PCDHGA1: variants seen among roughly 807,000 people sequenced by gnomAD.
PCDHGA1 encodes the protein protocadherin gamma subfamily A, 1.
PCDHGA1 carries 32 observed loss-of-function variants against 58.0 expected under a neutral mutation model. The observed-to-expected ratio is 0.55, with a 90% confidence interval of 0.42 to 0.74. The LOEUF (loss-of-function observed/expected upper bound fraction) is 0.74. PCDHGA1 is among the 30% of genes least tolerant of loss of function. The probability of loss-of-function intolerance (pLI) is 0.00; values close to 1 mark genes in which losing one functional copy is unlikely to be tolerated. For synonymous variants in PCDHGA1, 498 were observed against 501.1 expected (o/e 0.99, Z 0.08); for missense variants, 1,205 against 1,182.3 (o/e 1.02, Z -0.28).
intron 1 of PCDHGA1, chr5:141,415,216 A>C: frequency 6.2e-7 from 1 of 1,614,086 alleles, no homozygotes; most frequent in African/African-American, 1.3e-5. Flanking sequence ...GGACCTCGGC[A>C]GCTTCGAGTC....
chr5:141,363,750 C>T (rs1326299943), intron 1 of PCDHGA1, among the ~76,000 whole-genome samples: 3 of 152,082 alleles, frequency 2.0e-5, no homozygotes, highest in Non-Finnish European at 4.4e-5. Flanking sequence ...CCTTGGTATT[C>T]TTATATGCAA....
At chr5:141,426,916 A>T (rs1227752756) in intron 1 of PCDHGA1, 2 of 456,618 alleles carry the variant, frequency 4.4e-6, no homozygotes, top group Non-Finnish European at 4.4e-6. Context: ...CTGGTCCTGG[A>T]AGCAATGGAC....
intron 1 of PCDHGA1, chr5:141,417,545 T>C: frequency 3.2e-6 from 1 of 312,052 alleles, no homozygotes; most frequent in East Asian, 5.5e-5. Context: ...AAAAAATTCC[T>C]TGAAAGAGGT....
chr5:141,391,910 CAT>C (rs2092442264), intron 1 of PCDHGA1: 2 of 152,134 alleles, frequency 1.3e-5, no homozygotes, highest in African/African-American at 4.8e-5. Context: ...TGCTTTTTAT[CAT>C]ATATTCATCT....
At position 141,332,689 on chromosome 5, in the gene PCDHGA1, T is replaced by C. The variant is rs148466345; in HGVS notation, c.2005T>C (p.Ser669Pro). 640 of 1,613,586 alleles carry C rather than the reference T, an allele frequency of 4.0e-4. 2 individuals are homozygous for C. In the African/African-American group the frequency reaches 4.4e-3, roughly 11 times the overall value. The change falls in exon 1 of 4, where the codon TCC becomes CCC. Residue 669 changes from serine (S) to proline (P), a missense_variant. Coordinates refer to ENST00000517417, the MANE Select transcript of PCDHGA1 (RefSeq NM_018912.3). The surrounding 1 kb of genome is among the most constrained non-coding windows in gnomAD (Gnocchi z 4.6). Reference protein sequence around the residue: ...TLTVAVADRISDILADLGSLE... With the variant: ...TLTVAVADRIPDILADLGSLE... The stretch of plus-strand genomic sequence containing the variant: ...CACCGTGGCCGTGGCCGACAGGATC[T>C]CCGACATCCTGGCCGACCTGGGCAG...
intron 1 of PCDHGA1, chr5:141,364,603 C>G: frequency 6.2e-7 from 1 of 1,614,180 alleles, no homozygotes; most frequent in Non-Finnish European, 8.5e-7. Flanking sequence ...GCAGGATAGA[C>G]CGGGAGGAGC....
chr5:141,477,482 C>T lies in PCDHGA1; in HGVS notation c.2422-17325C>T, dbSNP rs1168724444. The T allele has an allele frequency of 6.2e-7, 1 of 1,614,118 alleles. No individual in the cohort carries two copies. Among genetic ancestry groups the T allele is most frequent in the Non-Finnish European group, 8.5e-7 (1 of 1,180,016 alleles). ...GTCCGACATCAATGACAACCCTCCA[C>T]AATCTTCTCAATCTTCCTACGACGT... is the stretch of plus-strand genomic sequence containing the variant. On this transcript the variant is annotated intron_variant, in intron 1 of 3. Coordinates refer to ENST00000517417, the MANE Select transcript of PCDHGA1 (RefSeq NM_018912.3). This position sits in a 1 kb window ranked among gnomAD's most constrained non-coding sequence, Gnocchi z 4.9.
Position 141,331,524 on chromosome 5 carries a change from C to G in PCDHGA1, c.840C>G (p.Ser280=). The G allele has an allele frequency of 6.2e-7, 1 of 1,614,164 alleles. No homozygotes were observed. Among genetic ancestry groups the G allele is most frequent in the South Asian group, 1.1e-5 (1 of 91,072 alleles). ...GAGCCAATGGGGAAGTAACGTACTCCTTTCACAATGTAGACCACAGAGTGG... is the reference window on the plus strand; with the variant it reads ...GAGCCAATGGGGAAGTAACGTACTCGTTTCACAATGTAGACCACAGAGTGG... ...DEGANGEVTY[S]FHNVDHRVAQ... is the part of the protein sequence containing the mutation. The change falls in exon 1 of 4, where the codon TCC becomes TCG. Residue 280 remains serine, a synonymous_variant. Transcript: ENST00000517417.
Position 141,427,133 on chromosome 5 carries a change from A to AGAT in PCDHGA1, c.2422-67670_2422-67668dup, listed in dbSNP as rs370316028. 2.9e-4 allele frequency: 134 copies of AGAT among 457,190 alleles called. 1 individual carries two copies. The highest frequency in any genetic ancestry group is 2.4e-3 in the African/African-American group (123 of 50,216). The allele number at this position is 457,190 out of a possible 1,614,324, so 28.3% of individuals were successfully genotyped here. On this transcript the variant is annotated intron_variant, in intron 1 of 3. Transcript: ENST00000517417. ...TCACCTACTCTTTCAAATCCCTACG[A>AGAT]GATGATATTGGAAATATGTTTGTGC...
intron 1 of PCDHGA1, among the ~76,000 whole-genome samples, chr5:141,460,804 T>C (rs2098998238): frequency 1.3e-5 from 2 of 152,020 alleles, no homozygotes; most frequent in African/African-American, 4.8e-5. Flanking sequence ...AGTATATATA[T>C]GTATGTATAC....
At chr5:141,488,020 T>C (rs985558790) in intron 1 of PCDHGA1, among the ~76,000 whole-genome samples, 3 of 152,174 alleles carry the variant, frequency 2.0e-5, no homozygotes, top group African/African-American at 7.2e-5. Context: ...GTACCTTAAC[T>C]CTAGGTTACC....
At chr5:141,399,947 C>G in intron 1 of PCDHGA1, 1 of 1,612,228 alleles carries the variant, frequency 6.2e-7, no homozygotes. Context: ...GTGCTGCAGG[C>G]TAGCGAGCCC....
intron 1 of PCDHGA1, chr5:141,427,749 A>G (rs770208196): frequency 4.6e-6 from 6 of 1,299,142 alleles, no homozygotes; most frequent in South Asian, 2.4e-5. Context: ...CTCCTACTCC[A>G]TCGTTACCAC....
Position 141,388,677 on chromosome 5 carries a change from A to G in PCDHGA1, c.2421+55572A>G, listed in dbSNP as rs369048942. 2.1e-5 allele frequency: 34 copies of G among 1,613,854 alleles called. 1 individual carries two copies. Among genetic ancestry groups the G allele is most frequent in the African/African-American group, 2.7e-5 (2 of 74,914 alleles). ...CCCGGGGACCACGGTGCTACAGGTGACTGCCACGGACCAGGATGAGGGTGT... is the reference window on the plus strand; with the variant it reads ...CCCGGGGACCACGGTGCTACAGGTGGCTGCCACGGACCAGGATGAGGGTGT... On this transcript the variant is annotated intron_variant, in intron 1 of 3. Transcript: ENST00000517417.
intron 1 of PCDHGA1, chr5:141,357,127 G>C: frequency 1.2e-6 from 2 of 1,613,566 alleles, no homozygotes; most frequent in Non-Finnish European, 1.7e-6. Context: ...GCAGAGGCTT[G>C]TAGTGGTCGT....
chr5:141,457,997 G>A (rs2098934533), intron 1 of PCDHGA1, among the ~76,000 whole-genome samples: 1 of 152,152 alleles, frequency 6.6e-6, no homozygotes, highest in Non-Finnish European at 1.5e-5. Context: ...TAAAGCCTTG[G>A]CAAAATAACC....
At chr5:141,370,888 A>T (rs765704496) in intron 1 of PCDHGA1, 3 of 1,614,036 alleles carry the variant, frequency 1.9e-6, no homozygotes, top group Non-Finnish European at 2.5e-6. Flanking sequence ...GTAGGTGTCA[A>T]TTCGCTGCAG....
At chr5:141,364,805 G>A (rs1763547717) in intron 1 of PCDHGA1, 1 of 1,614,018 alleles carries the variant, frequency 6.2e-7, no homozygotes, top group Non-Finnish European at 8.5e-7. Flanking sequence ...CTTCGCGCGG[G>A]ATGCGGATGT....
At position 141,429,997 on chromosome 5, in the gene PCDHGA1, G is replaced by A. The variant is rs536289272; in HGVS notation, c.2422-64810G>A. Among the ~76,000 whole-genome samples, 3 of 152,240 alleles carry A rather than the reference G, an allele frequency of 2.0e-5. No homozygotes were observed. The East Asian group carries it at 5.8e-4, about 29-fold the overall frequency. On this transcript the variant is annotated intron_variant, in intron 1 of 3. Transcript: ENST00000517417. ...TCTACTTTATGCTAAAAATATTAAT[G>A]TTTCTTTTTCACTTGGGTTCTTGTT... is the stretch of plus-strand genomic sequence containing the variant.
Sources: allele counts gnomAD v4.1 joint callset (sites outside exome capture counted in the v4.1 genomes callset), GRCh38; gene constraint gnomAD v4.1.1; non-coding constraint Gnocchi (gnomAD v3.1); transcripts MANE v1.5; gene names NCBI Gene and HGNC (gene_info 2026-07-23, HGNC 2026-07-21).